BCAS3: variants seen among roughly 807,000 people sequenced by gnomAD.
The protein encoded by BCAS3 is BCAS4/BCAS3 fusion.
Under a neutral mutation model 116.1 loss-of-function variants are expected in BCAS3, and 53 were observed. That is an observed-to-expected ratio of 0.46 (90% CI 0.37 to 0.57). BCAS3 has a LOEUF of 0.57. Among genes scored for constraint, BCAS3 ranks in the 20% least tolerant of loss-of-function variants. The pLI, the probability that BCAS3 is intolerant of heterozygous loss-of-function variation, is 0.00. For missense variants in BCAS3, 917 were observed against 1,165.4 expected, an observed-to-expected ratio of 0.79 and a Z score of 3.10; for synonymous variants, 391 against 408.2, an observed-to-expected ratio of 0.96 and a Z score of 0.51.
At position 60,684,145 on chromosome 17, in the gene BCAS3, G is replaced by A. The variant is rs557979101; in HGVS notation, c.138+109G>A. 248 of 999,364 alleles carry A rather than the reference G, an allele frequency of 2.5e-4. 1 individual carries two copies. The highest frequency in any genetic ancestry group is 1.5e-3 in the Admixed American group (79 of 52,674). 61.9% of individuals were successfully genotyped at this position (999,364 alleles called of 1,614,324 possible). ...CAGCAACTTCCAAAAGGTTTTTGATGTTTTAGCATCCTGAGCATTCGTAGG... is the reference window on the plus strand; with the variant it reads ...CAGCAACTTCCAAAAGGTTTTTGATATTTTAGCATCCTGAGCATTCGTAGG... On this transcript the variant is annotated intron_variant, in intron 3 of 23. Transcript: ENST00000407086.
chr17:61,259,398 C>T lies in BCAS3; in HGVS notation c.2426-108929C>T, dbSNP rs1432707047. On this transcript the variant is annotated intron_variant, in intron 22 of 23. Transcript: ENST00000407086. The surrounding 1 kb of genome is among the most constrained non-coding windows in gnomAD (Gnocchi z 4.7). ...TTGTGCTTTTGTTCCTTCTTGGAGTCCAGCTCTGACTTTAATAGCACAGTA... is the reference window on the plus strand; with the variant it reads ...TTGTGCTTTTGTTCCTTCTTGGAGTTCAGCTCTGACTTTAATAGCACAGTA... Among the ~76,000 whole-genome samples the T allele has an allele frequency of 6.6e-6, 1 of 152,112 alleles. No individual in the cohort carries two copies. Among genetic ancestry groups the T allele is most frequent in the Non-Finnish European group, 1.5e-5 (1 of 68,020 alleles).
In BCAS3 at chr17:61,082,047, C is replaced by T. The variant is rs1233197975; in HGVS notation, c.2328-2420C>T. 1.3e-5 allele frequency among the ~76,000 whole-genome samples: 2 copies of T among 152,072 alleles called. No individual in the cohort carries two copies. Among genetic ancestry groups the T allele is most frequent in the Middle Eastern group, 3.4e-3 (1 of 294 alleles). ...AACAGGCAGGCATAGTGTTGACTCT[C>T]ATCCATAAGGGAATCAGGCAAGCTC... On this transcript the variant is annotated intron_variant, in intron 21 of 23. Coordinates refer to ENST00000407086, the MANE Select transcript of BCAS3 (RefSeq NM_017679.5). The surrounding 1 kb of genome is among the most constrained non-coding windows in gnomAD (Gnocchi z 5.1).
chr17:60,818,986 ATC>A (rs2049691304), intron 7 of BCAS3, among the ~76,000 whole-genome samples: 1 of 152,116 alleles, frequency 6.6e-6, no homozygotes, highest in South Asian at 2.1e-4. Flanking sequence ...GCTAGATATG[ATC>A]TCTGTTTATC....
At chr17:60,731,323 G>A (rs186899103) in intron 5 of BCAS3, among the ~76,000 whole-genome samples, 2 of 151,998 alleles carry the variant, frequency 1.3e-5, no homozygotes, top group East Asian at 3.9e-4. Flanking sequence ...AGTAATTCTC[G>A]TGCCTCAGCC....
Position 61,392,021 on chromosome 17 carries a change from G to A in BCAS3, c.2638G>A (p.Gly880Ser). 6.2e-7 allele frequency: 1 copy of A among 1,613,928 alleles called. No individual in the cohort carries two copies. Among genetic ancestry groups the A allele is most frequent in the Non-Finnish European group, 8.5e-7 (1 of 1,180,006 alleles). Residue 880 changes from glycine (G) to serine (S), a missense_variant, in exon 24 of 24, where the codon GGC (glycine) becomes AGC (serine). By Grantham distance (56) the Gly-to-Ser change is moderately conservative. Around this residue, in one of 3 missense-constraint regions of BCAS3, gnomAD observed 109 missense variants for 122.8 expected, o/e 0.89. Transcript: ENST00000407086. The surrounding 1 kb of genome is among the most constrained non-coding windows in gnomAD (Gnocchi z 6.4). ...GSIETLSNSS[G>S]STSGSIPRNF... ...CATCGAGACTCTGAGTAACAGCTCAGGCTCCACCAGCGGCAGCATACCAAG... is the reference window on the plus strand; with the variant it reads ...CATCGAGACTCTGAGTAACAGCTCAAGCTCCACCAGCGGCAGCATACCAAG...
Position 61,032,111 on chromosome 17 carries a change from GA to G in BCAS3, c.1638-2552del, listed in dbSNP as rs1384940591. On this transcript the variant is annotated intron_variant, in intron 16 of 23. Coordinates refer to ENST00000407086, the MANE Select transcript of BCAS3 (RefSeq NM_017679.5). The surrounding 1 kb of genome is among the most constrained non-coding windows in gnomAD (Gnocchi z 4.6). Reference sequence around the variant, plus strand: ...TTTTCTACTTTTTATTATCATGTTAGAAAGTTTGCCATCTGGCCTGGAAGCA... The same window carrying G: ...TTTTCTACTTTTTATTATCATGTTAGAAGTTTGCCATCTGGCCTGGAAGCA... Among the ~76,000 whole-genome samples the G allele has an allele frequency of 1.3e-5, 2 of 152,048 alleles. No individual in the cohort carries two copies. Among genetic ancestry groups the G allele is most frequent in the African/African-American group, 4.8e-5 (2 of 41,398 alleles).
intron 22 of BCAS3, among the ~76,000 whole-genome samples, chr17:61,255,254 T>G (rs1245319029): frequency 1.3e-5 from 2 of 152,230 alleles, no homozygotes; most frequent in African/African-American, 2.4e-5. Context: ...TTCTCCCAGC[T>G]AATCTCATTC....
At chr17:60,727,341 C>A in intron 5 of BCAS3, 1 of 1,450,336 alleles carries the variant, frequency 6.9e-7, no homozygotes, top group South Asian at 1.1e-5. Flanking sequence ...CTCTGCCCAC[C>A]ATAGCCACTC....
intron 22 of BCAS3, among the ~76,000 whole-genome samples, chr17:61,142,401 T>G (rs2076973031): frequency 1.3e-5 from 2 of 152,184 alleles, no homozygotes; most frequent in African/African-American, 4.8e-5. Context: ...GATGTTTGCA[T>G]GGAGGAGTCA....
intron 5 of BCAS3, among the ~76,000 whole-genome samples, chr17:60,711,890 G>A (rs28546107): frequency 0.1 from 15,596 of 151,750 alleles, 2,449 homozygotes; most frequent in African/African-American, 0.34. Context: ...AGCCGGGTGC[G>A]GTGGCTCATG....
intron 14 of BCAS3, among the ~76,000 whole-genome samples, chr17:60,978,404 C>T (rs1288822151): frequency 6.6e-6 from 1 of 150,842 alleles, no homozygotes; most frequent in Non-Finnish European, 1.5e-5. Context: ...GGATATTAGC[C>T]CTTTGTGAGA....
intron 22 of BCAS3, among the ~76,000 whole-genome samples, chr17:61,096,182 C>CTTTAATTT (rs2073958476): frequency 6.6e-6 from 1 of 152,120 alleles, no homozygotes; most frequent in Admixed American, 6.6e-5. Flanking sequence ...TTTAAGCCTT[C>CTTTAATTT]TTTAATTTCT....
rs1305228542 is a variant in BCAS3 at position 61,244,978 on chromosome 17, A to G, written c.2426-123349A>G. On this transcript the variant is annotated intron_variant, in intron 22 of 23. Transcript: ENST00000407086. This position sits in a 1 kb window ranked among gnomAD's most constrained non-coding sequence, Gnocchi z 4.9. The stretch of plus-strand genomic sequence containing the variant: ...TATTCATCTTTCTAAATGTGGTGTA[A>G]TAGACTATAATTTTAGTAAGTGTAT... Among the ~76,000 whole-genome samples the G allele has an allele frequency of 1.3e-5, 2 of 152,198 alleles. No homozygotes were observed. Among genetic ancestry groups the G allele is most frequent in the African/African-American group, 4.8e-5 (2 of 41,438 alleles).
rs2070323995 is a variant in BCAS3 at position 61,063,807 on chromosome 17, A to G, written c.2030-11113A>G. On this transcript the variant is annotated intron_variant, in intron 19 of 23. Transcript: ENST00000407086. The surrounding 1 kb of genome is among the most constrained non-coding windows in gnomAD (Gnocchi z 5.3). The stretch of plus-strand genomic sequence containing the variant: ...ATCATTGGTCCTCTTCAATTAAGGC[A>G]CAAAGAAGATGAATTTTTTTCCTAT... Among the ~76,000 whole-genome samples, 1 of 152,204 alleles carries G rather than the reference A, an allele frequency of 6.6e-6. No homozygotes were observed. The highest frequency in any genetic ancestry group is 1.5e-5 in the Non-Finnish European group (1 of 68,048).
chr17:60,869,352 G>C (rs2054901708), intron 8 of BCAS3, among the ~76,000 whole-genome samples: 1 of 152,024 alleles, frequency 6.6e-6, no homozygotes, highest in Non-Finnish European at 1.5e-5. Flanking sequence ...TGAAGCCCTG[G>C]GATGGTAAAT....
intron 22 of BCAS3, among the ~76,000 whole-genome samples, chr17:61,201,755 C>G (rs2080831052): frequency 7.2e-6 from 1 of 138,932 alleles, no homozygotes; most frequent in Admixed American, 7.3e-5. Flanking sequence ...GGAAAGGAAA[C>G]TAACTTTTTT....
At chr17:61,270,536 C>T (rs1018502127) in intron 22 of BCAS3, among the ~76,000 whole-genome samples, 11 of 152,148 alleles carry the variant, frequency 7.2e-5, no homozygotes, top group Non-Finnish European at 1.2e-4. Context: ...TTTCCTTCCA[C>T]TTTATAGGCT....
intron 6 of BCAS3, among the ~76,000 whole-genome samples, chr17:60,798,412 G>T (rs2047404323): frequency 6.6e-6 from 1 of 152,062 alleles, no homozygotes; most frequent in Admixed American, 6.6e-5. Flanking sequence ...TGTCCCCATA[G>T]TTTTATCTTT....
chr17:61,153,562 CA>C (rs1236335378), intron 22 of BCAS3, among the ~76,000 whole-genome samples: 1 of 152,192 alleles, frequency 6.6e-6, no homozygotes, highest in Non-Finnish European at 1.5e-5. Context: ...ATTTGGAATT[CA>C]TAAGAGAAGT....
Sources: gnomAD v4.1 joint callset for allele counts (sites outside exome capture counted in the v4.1 genomes callset) on GRCh38, gnomAD v4.1.1 for gene constraint, gnomAD v4.1.1 regional missense constraint, Gnocchi (gnomAD v3.1) non-coding constraint, MANE v1.5 for transcripts, NCBI Gene and HGNC (gene_info 2026-07-23, HGNC 2026-07-21) for gene names.